Variants in TRPM6 observed in about 807,000 individuals in gnomAD.
TRPM6 encodes channel kinase 2.
TRPM6 carries 111 observed loss-of-function variants against 247.6 expected under a neutral mutation model. That is an observed-to-expected ratio of 0.45 (90% confidence interval 0.38 to 0.52). The LOEUF is 0.52. Ranked by LOEUF, TRPM6 falls within the 20% of genes least tolerant of loss-of-function variation. TRPM6 has a pLI of 0.00. For missense variants in TRPM6, 2,126 were observed against 2,421.5 expected (o/e 0.88, Z 2.56); for synonymous variants, 892 against 853.8 (o/e 1.04, Z -0.78).
intron 1 of TRPM6, among the ~76,000 whole-genome samples, chr9:74,868,059 C>G (rs1830908354): frequency 6.7e-6 from 1 of 149,374 alleles, no homozygotes; most frequent in Admixed American, 6.7e-5. Flanking sequence ...GAGGCTGAGG[C>G]AGGAGAATCA....
chr9:74,867,379 G>A (rs1049697656), intron 1 of TRPM6, among the ~76,000 whole-genome samples: 2 of 152,162 alleles, frequency 1.3e-5, no homozygotes, highest in Non-Finnish European at 1.5e-5. Context: ...CTGCACACAA[G>A]TGACTGTGTG....
chr9:74,836,980 C>T (rs1479283596), intron 5 of TRPM6, among the ~76,000 whole-genome samples: 1 of 152,182 alleles, frequency 6.6e-6, no homozygotes, highest in East Asian at 1.9e-4. Context: ...AAAACAGTTC[C>T]TTTGAATCTC....
Position 74,755,483 on chromosome 9 carries a change from A to G in TRPM6, c.4786-10T>C. On this transcript the variant is annotated splice_polypyrimidine_tract_variant and intron_variant, in intron 27 of 38. Coordinates refer to ENST00000360774, the MANE Select transcript of TRPM6 (RefSeq NM_017662.5). ...CATTGACTGTTATGATCTGGAGAGA[A>G]AGACACTTGTTGGAACACAGTGACA... The G allele has an allele frequency of 6.2e-7, 1 of 1,614,000 alleles. No homozygotes were observed. The highest frequency in any genetic ancestry group is 8.5e-7 in the Non-Finnish European group (1 of 1,179,952).
At chr9:74,823,992 T>A (rs1829229580) in intron 7 of TRPM6, among the ~76,000 whole-genome samples, 1 of 152,040 alleles carries the variant, frequency 6.6e-6, no homozygotes, top group Non-Finnish European at 1.5e-5. Context: ...GAATGGTTAG[T>A]TTTGATAGTG....
chr9:74,795,582 C>A (rs748118377), intron 18 of TRPM6, among the ~76,000 whole-genome samples: 1 of 152,158 alleles, frequency 6.6e-6, no homozygotes, highest in Non-Finnish European at 1.5e-5. Context: ...CTCACCACAT[C>A]GTCAAGTCAG....
At chr9:74,747,417 T>C (rs911640610) in intron 31 of TRPM6, among the ~76,000 whole-genome samples, 1 of 152,196 alleles carries the variant, frequency 6.6e-6, no homozygotes, top group East Asian at 1.9e-4. Flanking sequence ...AAGGAGTTTG[T>C]AAATTGTAGT....
intron 14 of TRPM6, among the ~76,000 whole-genome samples, chr9:74,807,734 C>G (rs886282713): frequency 5.3e-5 from 8 of 152,126 alleles, no homozygotes; most frequent in Non-Finnish European, 1.0e-4. Flanking sequence ...TCATCTCTCC[C>G]TCTAACCTGC....
intron 6 of TRPM6, among the ~76,000 whole-genome samples, chr9:74,828,786 G>A (rs564558414): frequency 6.3e-4 from 95 of 151,812 alleles, no homozygotes; most frequent in Middle Eastern, 6.8e-3. Flanking sequence ...ACATCTCCAC[G>A]CTTGGCTAAT....
chr9:74,757,553 G>A (rs1009295623), intron 27 of TRPM6, among the ~76,000 whole-genome samples: 2 of 124,262 alleles, frequency 1.6e-5, no homozygotes, highest in African/African-American at 3.1e-5. Context: ...GTGACAGAGA[G>A]AGACCCTGTC....
intron 13 of TRPM6, among the ~76,000 whole-genome samples, chr9:74,808,998 T>C (rs963818893): frequency 6.6e-6 from 1 of 152,256 alleles, no homozygotes; most frequent in Non-Finnish European, 1.5e-5. Flanking sequence ...TCAGCTTGCA[T>C]GTCTGTCTTC....
intron 14 of TRPM6, among the ~76,000 whole-genome samples, chr9:74,807,044 T>A (rs557945249): frequency 6.6e-6 from 1 of 152,350 alleles, no homozygotes; most frequent in East Asian, 1.9e-4. Context: ...AAGTAGCTGA[T>A]ACCTCCTTAA....
At chr9:74,848,686 C>A (rs1043679661) in intron 3 of TRPM6, among the ~76,000 whole-genome samples, 1 of 152,128 alleles carries the variant, frequency 6.6e-6, no homozygotes, top group Admixed American at 6.6e-5. Flanking sequence ...GCCTGCAATG[C>A]CCCGCCTGAA....
intron 27 of TRPM6, among the ~76,000 whole-genome samples, chr9:74,755,832 T>C (rs938850143): frequency 6.6e-6 from 1 of 152,152 alleles, no homozygotes; most frequent in African/African-American, 2.4e-5. Context: ...CTCTATTAAG[T>C]TCCCAGGTGA....
chr9:74,814,609 A>G (rs1406475338), intron 11 of TRPM6, among the ~76,000 whole-genome samples: 1 of 152,194 alleles, frequency 6.6e-6, no homozygotes, highest in Non-Finnish European at 1.5e-5. Flanking sequence ...AACTAAAAAA[A>G]GAAGAAATTA....
intron 5 of TRPM6, among the ~76,000 whole-genome samples, chr9:74,838,829 G>A (rs1399449978): frequency 6.6e-6 from 1 of 151,924 alleles, no homozygotes; most frequent in African/African-American, 2.4e-5. Flanking sequence ...CACAGGTTAG[G>A]CCAGACATGG....
intron 3 of TRPM6, among the ~76,000 whole-genome samples, chr9:74,852,836 C>A (rs532375229): frequency 6.6e-6 from 1 of 151,722 alleles, no homozygotes; most frequent in African/African-American, 2.4e-5. Flanking sequence ...GATCTCGGCT[C>A]GCTACAACCT....
chr9:74,737,799 A>G (rs1825742027), intron 36 of TRPM6, among the ~76,000 whole-genome samples: 1 of 152,208 alleles, frequency 6.6e-6, no homozygotes, highest in South Asian at 2.1e-4. Flanking sequence ...TGACCTCAAT[A>G]CATATTTTGT....
At chr9:74,829,841 C>T (rs1829483267) in intron 6 of TRPM6, among the ~76,000 whole-genome samples, 1 of 152,044 alleles carries the variant, frequency 6.6e-6, no homozygotes, top group East Asian at 1.9e-4. Context: ...TCTTTCAAGG[C>T]TAGACACAGA....
At chr9:74,780,491 A>G (rs2118914959) in intron 23 of TRPM6, among the ~76,000 whole-genome samples, 1 of 152,150 alleles carries the variant, frequency 6.6e-6, no homozygotes, top group East Asian at 1.9e-4. Flanking sequence ...AAGCCAACTC[A>G]CATGGGGCCA....
Sources: allele counts gnomAD v4.1 joint callset (sites outside exome capture counted in the v4.1 genomes callset), GRCh38; gene constraint gnomAD v4.1.1; transcripts MANE v1.5; gene names NCBI Gene and HGNC (gene_info 2026-07-23, HGNC 2026-07-21).